The following ZMYND11 variants were observed in gnomAD, a reference collection of about 807,000 sequenced individuals.
ZMYND11 encodes the protein zinc finger MYND domain-containing protein 11.
In ZMYND11, 9 loss-of-function variants were observed where a neutral mutation model predicts 84.9. That is an observed-to-expected ratio of 0.11 (90% CI 0.06 to 0.18). The LOEUF (loss-of-function observed/expected upper bound fraction) is 0.18, where lower values mean the gene tolerates loss of function less well. ZMYND11 is among the 10% of genes least tolerant of loss of function. The probability of loss-of-function intolerance (pLI) is 1.00; values close to 1 mark genes in which losing one functional copy is unlikely to be tolerated. For missense variants in ZMYND11, 409 were observed against 761.0 expected, an observed-to-expected ratio of 0.54 and a Z score of 5.44; for synonymous variants, 250 against 244.1, an observed-to-expected ratio of 1.02 and a Z score of -0.23.
intron 2 of ZMYND11, among the ~76,000 whole-genome samples, chr10:191,821 A>G (rs1326390952): frequency 2.6e-5 from 4 of 152,108 alleles, no homozygotes; most frequent in African/African-American, 9.7e-5. Flanking sequence ...TCTCAGCATC[A>G]TTCAACCTTT....
At chr10:180,225 T>A (rs1031252895) in intron 2 of ZMYND11, 97 bp downstream of exon 2, 1 of 830,778 alleles carries the variant, frequency 1.2e-6, no homozygotes, top group Non-Finnish European at 1.9e-6. Flanking sequence ...AATCAACATA[T>A]ATTACAAAGA....
Position 221,425 on chromosome 10 carries a change from T to TA in ZMYND11, c.438+70dup, listed in dbSNP as rs1947110377. 4 of 1,518,516 alleles carry TA rather than the reference T, an allele frequency of 2.6e-6. No individual in the cohort carries two copies. The Admixed American group carries it at 7.7e-5, about 29-fold the overall frequency. 94.1% of individuals were successfully genotyped at this position (1,518,516 alleles called of 1,614,324 possible). Reference sequence around the variant, plus strand: ...TTAATTCATAATAGCTTCAAAAAGATATCCCAGGTGGTCTTGCCAGGTGAA... The same window carrying TA: ...TTAATTCATAATAGCTTCAAAAAGATAATCCCAGGTGGTCTTGCCAGGTGAA... On this transcript the variant is annotated intron_variant, in intron 4 of 14. Transcript: ENST00000381604.
At chr10:172,069 G>C (rs1845457638) in intron 1 of ZMYND11, among the ~76,000 whole-genome samples, 1 of 152,220 alleles carries the variant, frequency 6.6e-6, no homozygotes, top group Non-Finnish European at 1.5e-5. Context: ...TGGCAGAAGA[G>C]ATGGAATGGC....
intron 12 of ZMYND11, 33 bp from the exon 13 acceptor site, chr10:248,303 G>C (rs376769556): frequency 6.3e-7 from 1 of 1,596,542 alleles, no homozygotes; most frequent in East Asian, 2.2e-5. Context: ...ATGTGGCTTC[G>C]TTTGGCGTCT....
intron 4 of ZMYND11, among the ~76,000 whole-genome samples, chr10:225,010 A>T (rs1486703934): frequency 1.3e-5 from 2 of 152,252 alleles, no homozygotes; most frequent in Non-Finnish European, 2.9e-5. Context: ...CAGGAAAAAA[A>T]TAAGAAAATC....
At chr10:213,920 A>G (rs138748712) in intron 3 of ZMYND11, among the ~76,000 whole-genome samples, 14 of 152,318 alleles carry the variant, frequency 9.2e-5, no homozygotes, top group Non-Finnish European at 1.5e-5. Context: ...CATATATTGA[A>G]CAAGATTACT....
chr10:168,960 T>C lies in ZMYND11; in HGVS notation c.-19-11034T>C, dbSNP rs562663782. Among the ~76,000 whole-genome samples, 33 of 152,226 alleles carry C rather than the reference T, an allele frequency of 2.2e-4. No homozygotes were observed. In the East Asian group the frequency reaches 6.4e-3, roughly 29 times the overall value. On this transcript the variant is annotated intron_variant, in intron 1 of 14. Coordinates refer to ENST00000381604, the MANE Select transcript of ZMYND11 (RefSeq NM_001370100.5). ...GCTGCCACAGTTTTGAGTTTTTACC[T>C]CTAGGAGCTTGACCTCACAGTGAAT...
chr10:249,479 T>G, intron 14 of ZMYND11: 1 of 984,860 alleles, frequency 1.0e-6, no homozygotes, highest in Non-Finnish European at 1.2e-6. Context: ...CAATAAATAG[T>G]TTCAGATTTC....
At chr10:171,052 G>A (rs557938924) in intron 1 of ZMYND11, among the ~76,000 whole-genome samples, 7 of 152,232 alleles carry the variant, frequency 4.6e-5, no homozygotes, top group African/African-American at 1.7e-4. Context: ...GACTTCAGAG[G>A]TAGGGAAGTT....
intron 4 of ZMYND11, among the ~76,000 whole-genome samples, chr10:227,967 T>G (rs182690914): frequency 2.6e-5 from 4 of 151,406 alleles, no homozygotes; most frequent in Non-Finnish European, 5.9e-5. Context: ...TAATCAAATA[T>G]TTTTACAATT....
intron 3 of ZMYND11, among the ~76,000 whole-genome samples, chr10:217,531 A>T (rs1457268229): frequency 3.3e-5 from 5 of 151,838 alleles, no homozygotes; most frequent in Non-Finnish European, 5.9e-5. Context: ...AAAAAAAAAA[A>T]TTGTTGTGAA....
intron 1 of ZMYND11, among the ~76,000 whole-genome samples, chr10:167,221 A>G (rs1554764130): frequency 6.6e-6 from 1 of 152,134 alleles, no homozygotes; most frequent in East Asian, 1.9e-4. Context: ...GTACTCAAAA[A>G]TGGGTAAGAT....
intron 2 of ZMYND11, among the ~76,000 whole-genome samples, chr10:187,110 T>C (rs2130842491): frequency 6.6e-6 from 1 of 152,112 alleles, no homozygotes; most frequent in South Asian, 2.1e-4. Context: ...GTGCCTGTAG[T>C]CTCAGCTTCT....
intron 1 of ZMYND11, among the ~76,000 whole-genome samples, chr10:172,943 G>T (rs1588641729): frequency 6.6e-6 from 1 of 151,766 alleles, no homozygotes; most frequent in East Asian, 1.9e-4. Context: ...AATACAGTCA[G>T]TTCAACTTTT....
In ZMYND11 at chr10:240,790, C is replaced by T. The variant is rs375069864; in HGVS notation, c.754-103C>T. ...TAAAAGATTAAGAAACAAAATTCAA[C>T]ACTATTTATATACGTGAATGTTAAT... On this transcript the variant is annotated intron_variant, in intron 8 of 14. Coordinates refer to ENST00000381604, the MANE Select transcript of ZMYND11 (RefSeq NM_001370100.5). 6.9e-5 allele frequency: 61 copies of T among 881,292 alleles called. 1 individual carries two copies. The highest frequency in any genetic ancestry group is 6.6e-4 in the Middle Eastern group (2 of 3,030). 54.6% of individuals were successfully genotyped at this position (881,292 alleles called of 1,614,324 possible). A position where few individuals can be genotyped will look rare whatever the true frequency, so the allele number is the denominator to read the frequency against.
intron 4 of ZMYND11, among the ~76,000 whole-genome samples, chr10:224,659 G>T (rs1168523248): frequency 6.6e-6 from 1 of 152,146 alleles, no homozygotes; most frequent in Non-Finnish European, 1.5e-5. Context: ...CATTTTGTTT[G>T]TATCTGTATC....
chr10:238,578 G>A (rs879676564), intron 6 of ZMYND11, among the ~76,000 whole-genome samples: 40 of 152,158 alleles, frequency 2.6e-4, no homozygotes, highest in Middle Eastern at 3.4e-3. Flanking sequence ...GGATGGTCTC[G>A]ATCTCCTGAC....
chr10:186,089 A>C (rs923959225), intron 2 of ZMYND11, among the ~76,000 whole-genome samples: 12 of 150,580 alleles, frequency 8.0e-5, no homozygotes, highest in Non-Finnish European at 1.8e-4. Context: ...GGCTCACTGC[A>C]AGCTCCGCCT....
chr10:203,236 A>G (rs1356739821), intron 2 of ZMYND11, among the ~76,000 whole-genome samples: 1 of 152,162 alleles, frequency 6.6e-6, no homozygotes, highest in African/African-American at 2.4e-5. Flanking sequence ...ATGAGAAACA[A>G]GTCCAATAGA....
Sources: allele counts gnomAD v4.1 joint callset (sites outside exome capture counted in the v4.1 genomes callset), GRCh38; gene constraint gnomAD v4.1.1; transcripts MANE v1.5; gene names NCBI Gene and HGNC (gene_info 2026-07-23, HGNC 2026-07-21).